RGS7: variants seen among roughly 807,000 people sequenced by gnomAD.
The protein encoded by RGS7 is regulator of G protein signaling 7, also known as regulator of G-protein signaling 7.
A neutral mutation model predicts 81.1 loss-of-function variants in RGS7; 27 were observed. The ratio of observed to expected loss-of-function variants is 0.33; its 90% CI spans 0.25 to 0.46. The LOEUF (loss-of-function observed/expected upper bound fraction) is 0.46. Among genes scored for constraint, RGS7 ranks in the 20% least tolerant of loss-of-function variants. The pLI, the probability that RGS7 is intolerant of heterozygous loss-of-function variation, is 1.00. For synonymous variants in RGS7, 208 were observed against 207.7 expected, an observed-to-expected ratio of 1.00 and a Z score of -0.01; for missense variants, 396 against 607.4, an observed-to-expected ratio of 0.65 and a Z score of 3.66.
chr1:240,846,999 A>G (rs1225873145), intron 9 of RGS7, among the ~76,000 whole-genome samples: 3 of 152,104 alleles, frequency 2.0e-5, no homozygotes, highest in Admixed American at 6.6e-5. Context: ...TGGATTCCTG[A>G]CTCTCAGTAG....
chr1:241,130,066 T>C (rs1175899956), intron 2 of RGS7, among the ~76,000 whole-genome samples: 1 of 152,178 alleles, frequency 6.6e-6, no homozygotes, highest in African/African-American at 2.4e-5. Context: ...AGTGAGAAAG[T>C]TTCTGTCACT....
intron 3 of RGS7, among the ~76,000 whole-genome samples, chr1:241,015,098 T>C (rs2059156299): frequency 6.6e-6 from 1 of 152,206 alleles, no homozygotes; most frequent in Admixed American, 6.5e-5. Context: ...ATATTCACAA[T>C]TAAGGTACTT....
chr1:241,142,633 C>T (rs1044380984), intron 2 of RGS7, among the ~76,000 whole-genome samples: 13 of 152,308 alleles, frequency 8.5e-5, no homozygotes, highest in South Asian at 2.1e-4. Context: ...CATGGGAATC[C>T]TGGGCCTGGC....
chr1:241,172,405 T>A (rs1313266701), intron 2 of RGS7, among the ~76,000 whole-genome samples: 1 of 152,108 alleles, frequency 6.6e-6, no homozygotes, highest in Non-Finnish European at 1.5e-5. Context: ...TTACAGTCAC[T>A]CAGGAAAAAA....
intron 3 of RGS7, among the ~76,000 whole-genome samples, chr1:240,992,834 C>T (rs1686649182): frequency 6.9e-6 from 1 of 145,084 alleles, no homozygotes; most frequent in African/African-American, 2.6e-5. Context: ...GAAACCTTGT[C>T]TCTACTAAAA....
At chr1:240,827,873 A>AAC (rs1366521810) in intron 9 of RGS7, among the ~76,000 whole-genome samples, 2 of 142,546 alleles carry the variant, frequency 1.4e-5, no homozygotes, top group Non-Finnish European at 3.0e-5. Flanking sequence ...GCAAAAAAAA[A>AAC]AAAAAAAAAA....
chr1:241,093,788 A>G (rs1333053797), intron 3 of RGS7, among the ~76,000 whole-genome samples: 1 of 152,148 alleles, frequency 6.6e-6, no homozygotes, highest in African/African-American at 2.4e-5. Context: ...GTGGCATTTC[A>G]TCAATCCCAA....
rs545051537 is a variant in RGS7, at chr1:241,344,911, C to T, written c.78+10788G>A. 8.5e-5 allele frequency among the ~76,000 whole-genome samples: 13 copies of T among 152,228 alleles called. No homozygotes were observed. The East Asian group carries it at 2.1e-3, about 25-fold the overall frequency. ...GATTCGCAGAGGAATATAAATTATT[C>T]GATTATGAAGACAGATGCATGCGAA... On this transcript the variant is annotated intron_variant, in intron 2 of 18. Coordinates refer to ENST00000440928, the MANE Select transcript of RGS7 (RefSeq NM_001364886.1).
intron 2 of RGS7, among the ~76,000 whole-genome samples, chr1:241,114,418 G>A (rs1032305638): frequency 1.3e-5 from 2 of 151,832 alleles, no homozygotes; most frequent in Admixed American, 6.6e-5. Flanking sequence ...GGTGGTGGAC[G>A]ATTACCTTGC....
At chr1:241,221,049 AAGAAAGAAAGAG>A (rs1558204025) in intron 2 of RGS7, among the ~76,000 whole-genome samples, 10 of 121,938 alleles carry the variant, frequency 8.2e-5, no homozygotes, top group African/African-American at 1.1e-4. Flanking sequence ...AAAAGAAAGA[AAGAAAGAAAGAG>A]AGAGAGAGAG....
chr1:241,213,727 T>C (rs2074385696), intron 2 of RGS7, among the ~76,000 whole-genome samples: 1 of 152,214 alleles, frequency 6.6e-6, no homozygotes, highest in African/African-American at 2.4e-5. Flanking sequence ...TTGTCATTAA[T>C]GTACTTTATC....
Position 240,868,279 on chromosome 1 carries a change from A to G in RGS7, c.609+308T>C, listed in dbSNP as rs575422265. Among the ~76,000 whole-genome samples, 1 of 152,224 alleles carries G rather than the reference A, an allele frequency of 6.6e-6. No individual in the cohort carries two copies. Among genetic ancestry groups the G allele is most frequent in the East Asian group, 1.9e-4 (1 of 5,188 alleles). ...GCCAGAAAAATGTAAACAATAAAAC[A>G]TGAAAAACTGTTTTGTTGCAGTAGT... On this transcript the variant is annotated intron_variant, in intron 9 of 18. Coordinates refer to ENST00000440928, the MANE Select transcript of RGS7 (RefSeq NM_001364886.1). The surrounding 1 kb of genome is among the most constrained non-coding windows in gnomAD (Gnocchi z 5.1).
chr1:241,035,264 G>A (rs1045233977), intron 3 of RGS7, among the ~76,000 whole-genome samples: 5 of 152,008 alleles, frequency 3.3e-5, no homozygotes, highest in African/African-American at 1.2e-4. Context: ...GAATATCTAA[G>A]TTCATTTCTA....
intron 2 of RGS7, among the ~76,000 whole-genome samples, chr1:241,174,425 T>C (rs971850295): frequency 6.6e-6 from 1 of 152,170 alleles, no homozygotes; most frequent in African/African-American, 2.4e-5. Context: ...AAGTAAGAAA[T>C]TGATTGGTTC....
At chr1:241,221,505 A>G (rs6682206) in intron 2 of RGS7, among the ~76,000 whole-genome samples, 28,013 of 152,230 alleles carry the variant, frequency 0.18, 2,919 homozygotes, top group Middle Eastern at 0.23. Flanking sequence ...GAGCTGGTCA[A>G]TGAAGCCTAC....
intron 3 of RGS7, among the ~76,000 whole-genome samples, chr1:241,067,208 G>A (rs897777044): frequency 1.3e-5 from 2 of 152,092 alleles, no homozygotes; most frequent in African/African-American, 4.8e-5. Context: ...GTACTATGAA[G>A]ATCAACTCTC....
chr1:241,314,694 A>T (rs191138908), intron 2 of RGS7, among the ~76,000 whole-genome samples: 1 of 152,352 alleles, frequency 6.6e-6, no homozygotes, highest in African/African-American at 2.4e-5. Context: ...AAATATATAA[A>T]TTCCCTTTCT....
At chr1:241,319,022 T>G (rs2081056404) in intron 2 of RGS7, among the ~76,000 whole-genome samples, 1 of 152,200 alleles carries the variant, frequency 6.6e-6, no homozygotes, top group African/African-American at 2.4e-5. Context: ...TGTGTGATTT[T>G]TCAAATGTTT....
chr1:241,093,119 T>G (rs1212723401), intron 3 of RGS7, among the ~76,000 whole-genome samples: 2 of 152,074 alleles, frequency 1.3e-5, no homozygotes, highest in Non-Finnish European at 2.9e-5. Flanking sequence ...TTAGAGAACA[T>G]GAAGGAAATG....
Sources: gnomAD v4.1 joint callset for allele counts (sites outside exome capture counted in the v4.1 genomes callset) on GRCh38, gnomAD v4.1.1 for gene constraint, Gnocchi (gnomAD v3.1) non-coding constraint, MANE v1.5 for transcripts, NCBI Gene and HGNC (gene_info 2026-07-23, HGNC 2026-07-21) for gene names.